CELF2: variants seen among roughly 807,000 people sequenced by gnomAD.
CELF2 encodes the protein CUG triplet repeat RNA-binding protein 2.
A neutral mutation model predicts 62.6 loss-of-function variants in CELF2; 8 were observed. The observed-to-expected ratio is 0.13, with a 90% confidence interval of 0.07 to 0.23. The LOEUF (loss-of-function observed/expected upper bound fraction) is 0.23. Among genes scored for constraint, CELF2 ranks in the 10% least tolerant of loss-of-function variants. CELF2 has a pLI of 1.00. For missense variants in CELF2, 333 were observed against 671.0 expected, an observed-to-expected ratio of 0.50 and a Z score of 5.56; for synonymous variants, 258 against 250.0, an observed-to-expected ratio of 1.03 and a Z score of -0.30.
rs1344933900 is a variant in CELF2 at position 11,290,511 on chromosome 10, G to C, written c.976+1959G>C. On this transcript the variant is annotated intron_variant, in intron 9 of 12. Coordinates refer to ENST00000633077, the MANE Select transcript of CELF2 (RefSeq NM_001326342.2). This position sits in a 1 kb window ranked among gnomAD's most constrained non-coding sequence, Gnocchi z 4.3. ...CACTGCACTCCAGCCTGGGCGACGA[G>C]CGAGACTCCGTCTAAAAAAAAAAAA... 2.1e-5 allele frequency among the ~76,000 whole-genome samples: 3 copies of C among 139,598 alleles called. No individual in the cohort carries two copies. The highest frequency in any genetic ancestry group is 3.1e-5 in the Non-Finnish European group (2 of 65,164). 91.6% of individuals were successfully genotyped at this position (139,598 alleles called of 152,430 possible). A position where few individuals can be genotyped will look rare whatever the true frequency, so the allele number is the denominator to read the frequency against.
the CELF2 span, among the ~76,000 whole-genome samples, chr10:10,546,161 T>C: frequency 6.6e-6 from 1 of 152,204 alleles, no homozygotes; most frequent in African/African-American, 2.4e-5. Flanking sequence ...AGTGCTGAGG[T>C]TACATATCCC....
At chr10:10,905,254 T>G (rs1392084416) in intron 1 of CELF2, among the ~76,000 whole-genome samples, 1 of 152,262 alleles carries the variant, frequency 6.6e-6, no homozygotes, top group Non-Finnish European at 1.5e-5. Context: ...GTACATCCAG[T>G]AATTTCAGTA....
the CELF2 span, among the ~76,000 whole-genome samples, chr10:10,588,404 C>T: frequency 6.6e-6 from 1 of 152,180 alleles, no homozygotes; most frequent in African/African-American, 2.4e-5. Flanking sequence ...CTCTGGGCCT[C>T]AGATGAACCT....
the CELF2 span, among the ~76,000 whole-genome samples, chr10:10,580,839 G>C: frequency 1.3e-4 from 20 of 152,178 alleles, no homozygotes; most frequent in African/African-American, 4.8e-4. Context: ...CTGTATGGTT[G>C]AGTCAATGGG....
At chr10:10,651,304 G>T in the CELF2 span, among the ~76,000 whole-genome samples, 2 of 147,714 alleles carry the variant, frequency 1.4e-5, no homozygotes, top group African/African-American at 4.9e-5. Context: ...AGGGGTGCCC[G>T]CCATTGCCCA....
intron 2 of CELF2, among the ~76,000 whole-genome samples, chr10:11,171,031 C>T (rs2068701711): frequency 6.6e-6 from 1 of 152,178 alleles, no homozygotes; most frequent in African/African-American, 2.4e-5. Context: ...TTGTTGATCA[C>T]ATTTTACTGG....
At chr10:10,623,085 C>CAAAAAAAAAAAAAAAAAAAA in the CELF2 span, among the ~76,000 whole-genome samples, 1 of 57,198 alleles carries the variant, frequency 1.7e-5, no homozygotes, top group African/African-American at 6.4e-5. Context: ...GACTCCGTCT[C>CAAAAAAAAAAAAAAAAAAAA]AAAAAAAAAA....
rs1264013105 is a variant in CELF2 at position 10,972,067 on chromosome 10, C to T, written c.89+52068C>T. ...GTTCATCTTTACTACTCCACTGAAA[C>T]AATATTGGTTGATAGAGGTAATCAA... On this transcript the variant is annotated intron_variant, in intron 2 of 13. Transcript: ENST00000636488. The surrounding 1 kb of genome is among the most constrained non-coding windows in gnomAD (Gnocchi z 4.4). Among the ~76,000 whole-genome samples the T allele has an allele frequency of 1.3e-5, 2 of 152,078 alleles. No homozygotes were observed. Among genetic ancestry groups the T allele is most frequent in the African/African-American group, 4.8e-5 (2 of 41,414 alleles).
intron 8 of CELF2, 73 bp from the exon 9 acceptor site, chr10:11,288,345 G>A (rs1397526448): frequency 6.4e-7 from 1 of 1,568,680 alleles, no homozygotes; most frequent in Non-Finnish European, 8.7e-7. Context: ...ACGATTTGAT[G>A]AGCCTGCTCT....
the CELF2 span, among the ~76,000 whole-genome samples, chr10:10,521,469 G>C: frequency 6.6e-6 from 1 of 152,186 alleles, no homozygotes; most frequent in Non-Finnish European, 1.5e-5. Context: ...TAGTATTTCA[G>C]ATTAATAGCT....
chr10:11,290,629 T>A lies in CELF2; in HGVS notation c.976+2077T>A, dbSNP rs1307422809. 6.6e-6 allele frequency among the ~76,000 whole-genome samples: 1 copy of A among 152,218 alleles called. No homozygotes were observed. Among genetic ancestry groups the A allele is most frequent in the Non-Finnish European group, 1.5e-5 (1 of 68,038 alleles). ...TATGTGACTATTTTCAATTTCTTCC[T>A]GAGACTGCAGTGGAGGAAAATGTGT... On this transcript the variant is annotated intron_variant, in intron 9 of 12. Transcript: ENST00000633077. The surrounding 1 kb of genome is among the most constrained non-coding windows in gnomAD (Gnocchi z 4.3).
chr10:10,881,164 G>T (rs942127044), intron 1 of CELF2, among the ~76,000 whole-genome samples: 1 of 152,170 alleles, frequency 6.6e-6, no homozygotes, highest in Non-Finnish European at 1.5e-5. Flanking sequence ...CTGTCCCTCT[G>T]TCCTTGGACT....
intron 2 of CELF2, among the ~76,000 whole-genome samples, chr10:11,204,698 T>C (rs1485671561): frequency 6.6e-6 from 1 of 152,214 alleles, no homozygotes; most frequent in Non-Finnish European, 1.5e-5. Flanking sequence ...ACTCTCAAAA[T>C]GAAATCCAGC....
the CELF2 span, among the ~76,000 whole-genome samples, chr10:10,746,110 A>T: frequency 6.6e-6 from 1 of 152,232 alleles, no homozygotes; most frequent in Non-Finnish European, 1.5e-5. Context: ...TTAACCATTC[A>T]TCTAACACAG....
At chr10:10,841,493 A>G (rs2058683186) in intron 1 of CELF2, among the ~76,000 whole-genome samples, 1 of 151,374 alleles carries the variant, frequency 6.6e-6, no homozygotes, top group African/African-American at 2.4e-5. Context: ...TCCAGTTGTT[A>G]GAGCACCATT....
the CELF2 span, among the ~76,000 whole-genome samples, chr10:10,527,882 A>C: frequency 0.12 from 17,671 of 152,290 alleles, 1,133 homozygotes; most frequent in Middle Eastern, 0.23. Flanking sequence ...AACTCAAGTA[A>C]GCTTTCATCT....
chr10:11,329,113 C>G lies in CELF2; in HGVS notation c.*60C>G. 6.6e-7 allele frequency: 1 copy of G among 1,523,360 alleles called. No homozygotes were observed. Among genetic ancestry groups the G allele is most frequent in the Non-Finnish European group, 8.9e-7 (1 of 1,123,772 alleles). 94.4% of individuals were successfully genotyped at this position (1,523,360 alleles called of 1,614,324 possible). Reference sequence around the variant, plus strand: ...CTTTCTTAGGGTAAGTCCCACGAGCCAGCCTGTCTCAACAGGGAAGGCAGA... The same window carrying G: ...CTTTCTTAGGGTAAGTCCCACGAGCGAGCCTGTCTCAACAGGGAAGGCAGA... On this transcript the variant is annotated 3_prime_UTR_variant, in exon 13 of 13. Transcript: ENST00000633077. This position sits in a 1 kb window ranked among gnomAD's most constrained non-coding sequence, Gnocchi z 5.5.
At chr10:10,474,252 G>A in the CELF2 span, among the ~76,000 whole-genome samples, 1 of 151,994 alleles carries the variant, frequency 6.6e-6, no homozygotes, top group Non-Finnish European at 1.5e-5. Context: ...AGACCTGACT[G>A]GGCAATATAG....
At chr10:10,751,609 T>C in the CELF2 span, among the ~76,000 whole-genome samples, 5 of 152,220 alleles carry the variant, frequency 3.3e-5, no homozygotes, top group African/African-American at 1.2e-4. Flanking sequence ...AGTCTCAATA[T>C]TGACCAGTGA....
Sources: allele counts gnomAD v4.1 joint callset (sites outside exome capture counted in the v4.1 genomes callset), GRCh38; gene constraint gnomAD v4.1.1; non-coding constraint Gnocchi (gnomAD v3.1); transcripts MANE v1.5; gene names NCBI Gene and HGNC (gene_info 2026-07-23, HGNC 2026-07-21).